The following PLEKHA6 variants were observed in gnomAD, a reference collection of about 807,000 sequenced individuals.
PLEKHA6 encodes pleckstrin homology domain containing A6, also known as pleckstrin homology domain-containing family A member 6.
Under a neutral mutation model 116.7 loss-of-function variants are expected in PLEKHA6, and 60 were observed. The observed-to-expected ratio is 0.51, with a 90% confidence interval of 0.42 to 0.64. The LOEUF (loss-of-function observed/expected upper bound fraction) is 0.64. PLEKHA6 is among the 30% of genes least tolerant of loss of function. The pLI is 0.00. For missense variants in PLEKHA6, 1,338 were observed against 1,422.7 expected, an observed-to-expected ratio of 0.94 and a Z score of 0.96; for synonymous variants, 489 against 556.1, an observed-to-expected ratio of 0.88 and a Z score of 1.70.
In PLEKHA6 at chr1:204,259,966, G is replaced by A. The variant is rs1264148945; in HGVS notation, c.525-226C>T. On this transcript the variant is annotated intron_variant, in intron 7 of 22. Coordinates refer to ENST00000272203, the MANE Select transcript of PLEKHA6 (RefSeq NM_014935.5). This position sits in a 1 kb window ranked among gnomAD's most constrained non-coding sequence, Gnocchi z 4.6. Reference sequence around the variant, plus strand: ...TAATCCGCCCCTGCCCACACCTGCTGTGTTAACTCTGCCCCCCACGTCTTC... The same window carrying A: ...TAATCCGCCCCTGCCCACACCTGCTATGTTAACTCTGCCCCCCACGTCTTC... Among the ~76,000 whole-genome samples, 1 of 152,132 alleles carries A rather than the reference G, an allele frequency of 6.6e-6. No individual in the cohort carries two copies. Among genetic ancestry groups the A allele is most frequent in the Admixed American group, 6.6e-5 (1 of 15,260 alleles).
intron 1 of PLEKHA6, among the ~76,000 whole-genome samples, chr1:204,348,714 A>ACCCCCCCCCCCCCTCC (rs3038282): frequency 1.5e-5 from 2 of 136,636 alleles, no homozygotes; most frequent in African/African-American, 5.8e-5. Context: ...CAGGTGCCAA[A>ACCCCCCCCCCCCCTCC]CCCCCCCCCC....
rs1297673408 is a variant in PLEKHA6 at position 204,219,863 on chromosome 1, C to T, written c.*2925G>A. 1 of 152,340 alleles carries T rather than the reference C, an allele frequency of 6.6e-6. No individual in the cohort carries two copies. Among genetic ancestry groups the T allele is most frequent in the Non-Finnish European group, 1.5e-5 (1 of 68,106 alleles). The allele number at this position is 152,340 out of a possible 1,614,324, so 9.4% of individuals were successfully genotyped here. A position where few individuals can be genotyped will look rare whatever the true frequency, so the allele number is the denominator to read the frequency against. ...GGGTTTCTTGGGTGAGGTTGAGATG[C>T]CACCTTGTCTGTAGGACCCTCCTTG... is the stretch of plus-strand genomic sequence containing the variant. On this transcript the variant is annotated 3_prime_UTR_variant, in exon 23 of 23. Transcript: ENST00000272203.
intron 1 of PLEKHA6, chr1:204,280,935 C>T: frequency 3.6e-6 from 3 of 839,634 alleles, no homozygotes; most frequent in African/African-American, 1.8e-5. Context: ...CCTCTGTTTT[C>T]CTACCTATTG....
At chr1:204,297,981 A>G (rs1670451084) in intron 1 of PLEKHA6, 1 of 801,588 alleles carries the variant, frequency 1.2e-6, no homozygotes, top group African/African-American at 1.9e-5. Context: ...GAACCTCCAC[A>G]CCTTTCTCAT....
At chr1:204,360,364 T>C (rs1673531007), upstream of PLEKHA6, among the ~76,000 whole-genome samples, 1 of 149,736 alleles carries the variant, frequency 6.7e-6, no homozygotes, top group Non-Finnish European at 1.5e-5. Context: ...GCTGGGGCCC[T>C]GGGGCCTCCC....
chr1:204,254,418 A>G (rs1309743420), intron 9 of PLEKHA6, among the ~76,000 whole-genome samples: 1 of 152,224 alleles, frequency 6.6e-6, no homozygotes, highest in Non-Finnish European at 1.5e-5. Context: ...AAGAACCAAC[A>G]GTTGCAGCTA....
At chr1:204,229,822 T>A (rs1222254308) in intron 18 of PLEKHA6, among the ~76,000 whole-genome samples, 5 of 152,200 alleles carry the variant, frequency 3.3e-5, no homozygotes, top group Non-Finnish European at 7.3e-5. Context: ...TTTCTAAAAT[T>A]TAATGGAAAG....
intron 1 of PLEKHA6, among the ~76,000 whole-genome samples, chr1:204,292,972 G>C (rs944371982): frequency 6.6e-6 from 1 of 151,920 alleles, no homozygotes; most frequent in Non-Finnish European, 1.5e-5. Context: ...CTCCCCTCCC[G>C]CCTCTTCTCT....
intron 1 of PLEKHA6, among the ~76,000 whole-genome samples, chr1:204,331,814 G>A (rs961218477): frequency 6.6e-6 from 1 of 152,022 alleles, no homozygotes; most frequent in Non-Finnish European, 1.5e-5. Flanking sequence ...ACGGTCAGCC[G>A]GCTGTCCCCC....
chr1:204,341,463 C>T (rs1672843722), intron 1 of PLEKHA6, among the ~76,000 whole-genome samples: 1 of 152,132 alleles, frequency 6.6e-6, no homozygotes, highest in Non-Finnish European at 1.5e-5. Flanking sequence ...TAATACCTTG[C>T]CAAAGGTCAG....
chr1:204,281,381 C>G (rs1195785000), intron 1 of PLEKHA6, among the ~76,000 whole-genome samples: 1 of 151,990 alleles, frequency 6.6e-6, no homozygotes, highest in African/African-American at 2.4e-5. Context: ...AAAAATTAGC[C>G]GGGCCTGGTG....
chr1:204,317,634 T>C (rs1236412497), intron 1 of PLEKHA6, among the ~76,000 whole-genome samples: 1 of 152,234 alleles, frequency 6.6e-6, no homozygotes, highest in South Asian at 2.1e-4. Flanking sequence ...GTCTTACAGA[T>C]AGTGTCTTTC....
At chr1:204,303,859 G>A (rs1039385523) in intron 1 of PLEKHA6, among the ~76,000 whole-genome samples, 3 of 152,136 alleles carry the variant, frequency 2.0e-5, no homozygotes, top group Admixed American at 6.5e-5. Flanking sequence ...GACTGTAGGC[G>A]TGTGTCACCA....
At chr1:204,226,001 T>C (rs1433908786) in intron 21 of PLEKHA6, among the ~76,000 whole-genome samples, 2 of 152,212 alleles carry the variant, frequency 1.3e-5, no homozygotes. Flanking sequence ...GATTACTCTG[T>C]CCATGCCACA....
intron 1 of PLEKHA6, among the ~76,000 whole-genome samples, chr1:204,357,351 G>A (rs16853492): frequency 0.052 from 7,968 of 152,268 alleles, 361 homozygotes; most frequent in Middle Eastern, 0.12. Flanking sequence ...AAGGTTGTAG[G>A]TGCTGAGCAG....
chr1:204,352,897 A>G lies in PLEKHA6; in HGVS notation c.-95+6797T>C, dbSNP rs1186417447. On this transcript the variant is annotated intron_variant, in intron 1 of 22. Transcript: ENST00000272203. ...CTACTCAGGAGGCTGAGGTGGGAGG[A>G]CTGCATGAGCCTAGGAGGTGGAGAC... Among the ~76,000 whole-genome samples, 11 of 152,240 alleles carry G rather than the reference A, an allele frequency of 7.2e-5. No individual in the cohort carries two copies. In the East Asian group the frequency reaches 2.1e-3, roughly 29 times the overall value.
At chr1:204,310,690 A>G (rs1281051055) in intron 1 of PLEKHA6, among the ~76,000 whole-genome samples, 3 of 152,238 alleles carry the variant, frequency 2.0e-5, no homozygotes, top group Admixed American at 1.3e-4. Context: ...TATACGTAGT[A>G]GAGATGCAAT....
chr1:204,280,184 A>T, intron 1 of PLEKHA6: 1 of 404,192 alleles, frequency 2.5e-6, no homozygotes. Flanking sequence ...AGTTCAAGAG[A>T]CATCCTCAAC....
chr1:204,345,361 C>A (rs536723457), intron 1 of PLEKHA6, among the ~76,000 whole-genome samples: 38 of 152,280 alleles, frequency 2.5e-4, no homozygotes, highest in African/African-American at 8.9e-4. Flanking sequence ...CTTGACCACA[C>A]ACAGCCCATC....
Sources: gnomAD v4.1 joint callset for allele counts (sites outside exome capture counted in the v4.1 genomes callset) on GRCh38, gnomAD v4.1.1 for gene constraint, Gnocchi (gnomAD v3.1) non-coding constraint, MANE v1.5 for transcripts, NCBI Gene and HGNC (gene_info 2026-07-23, HGNC 2026-07-21) for gene names.